The following ITGB5 variants were observed in gnomAD, a reference collection of about 807,000 sequenced individuals.
ITGB5 encodes the protein integrin subunit beta 5.
A neutral mutation model predicts 84.8 loss-of-function variants in ITGB5; 38 were observed. That is an observed-to-expected ratio of 0.45 (90% confidence interval 0.35 to 0.59). The LOEUF is 0.59. Among genes scored for constraint, ITGB5 ranks in the 20% least tolerant of loss-of-function variants. The pLI, the probability that ITGB5 is intolerant of heterozygous loss-of-function variation, is 0.01. For missense variants in ITGB5, 905 were observed against 1,034.5 expected (o/e 0.87, Z 1.72); for synonymous variants, 393 against 414.4 (o/e 0.95, Z 0.63).
At chr3:124,793,970 C>T (rs1009220475) in intron 10 of ITGB5, among the ~76,000 whole-genome samples, 6 of 152,246 alleles carry the variant, frequency 3.9e-5, no homozygotes, top group East Asian at 1.9e-4. Context: ...TGTTAACCCA[C>T]GTCTGTGCAA....
At chr3:124,823,863 G>A (rs994025819) in intron 5 of ITGB5, among the ~76,000 whole-genome samples, 1 of 152,040 alleles carries the variant, frequency 6.6e-6, no homozygotes, top group South Asian at 2.1e-4. Flanking sequence ...ACAGCCATGT[G>A]CTCAACACCC....
rs145282152 is a variant in ITGB5 at position 124,824,408 on chromosome 3, C to T, written c.781-2934G>A. Among the ~76,000 whole-genome samples the T allele has an allele frequency of 4.5e-3, 692 of 152,230 alleles. 9 individuals carry two copies. Among genetic ancestry groups the T allele is most frequent in the African/African-American group, 0.016 (646 of 41,552 alleles). On this transcript the variant is annotated intron_variant, in intron 5 of 14. Transcript: ENST00000296181. Reference sequence around the variant, plus strand: ...ACTCAAAGTGGATCATTGACCTAAACGTAGACCTAAAGCTATAAAACTTCT... The same window carrying T: ...ACTCAAAGTGGATCATTGACCTAAATGTAGACCTAAAGCTATAAAACTTCT...
Position 124,841,516 on chromosome 3 carries a change from C to G in ITGB5, c.647G>C (p.Gly216Ala). ...KLFPNCVPSF[G>A]FRHLLPLTDR... is the part of the protein sequence containing the mutation. ...TGTGAGAGGCAGCAGATGGCGGAAC[C>G]CAAAGGAGGGGACGCAATTTGGAAA... Residue 216 changes from glycine (G) to alanine (A), a missense_variant, in exon 5 of 15, where the codon GGG becomes GCG. Around this residue, in one of 3 missense-constraint regions of ITGB5, gnomAD observed 656 missense variants for 734.7 expected, o/e 0.89. Transcript: ENST00000296181. The G allele has an allele frequency of 6.2e-7, 1 of 1,613,986 alleles. No homozygotes were observed. Among genetic ancestry groups the G allele is most frequent in the Non-Finnish European group, 8.5e-7 (1 of 1,179,960 alleles).
intron 1 of ITGB5, among the ~76,000 whole-genome samples, chr3:124,900,296 G>A (rs1935191169): frequency 6.6e-6 from 1 of 152,132 alleles, no homozygotes; most frequent in African/African-American, 2.4e-5. Flanking sequence ...TATTGAACAG[G>A]CATGAAAACA....
chr3:124,869,144 C>T (rs1047847482), intron 2 of ITGB5, among the ~76,000 whole-genome samples: 1 of 152,154 alleles, frequency 6.6e-6, no homozygotes, highest in Admixed American at 6.5e-5. Context: ...TGGCCCTCAC[C>T]GGCTGTCTAC....
chr3:124,803,069 G>A (rs138007407), intron 9 of ITGB5, among the ~76,000 whole-genome samples: 58 of 152,296 alleles, frequency 3.8e-4, no homozygotes, highest in South Asian at 6.2e-4. Flanking sequence ...CTTTAGTGTC[G>A]CTTCGAATGC....
rs556472135 is a variant in ITGB5, at chr3:124,871,467, T to A, written c.156+1979A>T. Among the ~76,000 whole-genome samples, 105 of 152,288 alleles carry A rather than the reference T, an allele frequency of 6.9e-4. No homozygotes were observed. In the South Asian group the frequency reaches 0.021, roughly 31 times the overall value. ...TCTCAGCCTCCCAAAGTACTAGGAT[T>A]ACAGGCGTGAGCCACCGCGCCTGGC... is the stretch of plus-strand genomic sequence containing the variant. On this transcript the variant is annotated intron_variant, in intron 2 of 14. Transcript: ENST00000296181.
chr3:124,827,868 G>A (rs2107572772), intron 5 of ITGB5, among the ~76,000 whole-genome samples: 1 of 152,076 alleles, frequency 6.6e-6, no homozygotes, highest in Non-Finnish European at 1.5e-5. Context: ...GCTCATCCTG[G>A]CTCAAAAGCT....
intron 6 of ITGB5, 109 bp downstream of exon 6, chr3:124,821,204 G>A: frequency 8.0e-7 from 1 of 1,251,378 alleles, no homozygotes; most frequent in South Asian, 1.4e-5. Context: ...CAGAAAGCCA[G>A]TGAATACTGA....
At chr3:124,892,557 C>T (rs1935021451), upstream of ITGB5, among the ~76,000 whole-genome samples, 1 of 144,580 alleles carries the variant, frequency 6.9e-6, no homozygotes, top group Non-Finnish European at 1.5e-5. Context: ...AAAATTAGCA[C>T]TGTGCCAAGT....
chr3:124,832,083 C>A (rs1409389447), intron 5 of ITGB5, among the ~76,000 whole-genome samples: 1 of 152,222 alleles, frequency 6.6e-6, no homozygotes, highest in East Asian at 1.9e-4. Flanking sequence ...ATAACTGTTT[C>A]TGATAGAGAG....
At chr3:124,874,823 C>T (rs933655954) in intron 1 of ITGB5, among the ~76,000 whole-genome samples, 1 of 152,148 alleles carries the variant, frequency 6.6e-6, no homozygotes, top group Non-Finnish European at 1.5e-5. Flanking sequence ...TGAAACTGAA[C>T]TCTTATCTCA....
chr3:124,766,116 C>A, intron 13 of ITGB5, 110 bp downstream of exon 13: 1 of 1,133,032 alleles, frequency 8.8e-7, no homozygotes, highest in Non-Finnish European at 1.2e-6. Context: ...CCTGCAGTTT[C>A]AAAAGGCCGA....
At chr3:124,764,355 G>A (rs1380400730) in intron 14 of ITGB5, 36 bp downstream of exon 14, 1 of 1,584,058 alleles carries the variant, frequency 6.3e-7, no homozygotes, top group Admixed American at 1.7e-5. Flanking sequence ...CTCTGAGCTT[G>A]AAGTCTCCTC....
At chr3:124,818,639 C>G (rs1380412996) in intron 7 of ITGB5, among the ~76,000 whole-genome samples, 1 of 151,150 alleles carries the variant, frequency 6.6e-6, no homozygotes, top group Non-Finnish European at 1.5e-5. Flanking sequence ...TCAGCCTCCC[C>G]GGTAGCTGGG....
chr3:124,821,228 G>C, intron 6 of ITGB5, 85 bp downstream of exon 6: 1 of 1,447,688 alleles, frequency 6.9e-7, no homozygotes, highest in Non-Finnish European at 9.4e-7. Flanking sequence ...CCAGAGGAAG[G>C]TTTCAAGGCT....
intron 2 of ITGB5, among the ~76,000 whole-genome samples, chr3:124,859,830 C>T (rs773408476): frequency 3.9e-5 from 6 of 152,114 alleles, no homozygotes; most frequent in Non-Finnish European, 7.4e-5. Flanking sequence ...TGCCTGTAAT[C>T]CCAGCTATTT....
chr3:124,861,282 C>T (rs2065293528), intron 2 of ITGB5, among the ~76,000 whole-genome samples: 1 of 151,846 alleles, frequency 6.6e-6, no homozygotes, highest in Non-Finnish European at 1.5e-5. Context: ...GTATAAGTGG[C>T]TCCATAAACA....
intron 5 of ITGB5, among the ~76,000 whole-genome samples, chr3:124,835,960 A>G (rs1350511513): frequency 1.3e-5 from 2 of 152,120 alleles, no homozygotes; most frequent in African/African-American, 4.8e-5. Flanking sequence ...AAGCAAAATC[A>G]AAGGCCTTGA....
Sources: gnomAD v4.1 joint callset for allele counts (sites outside exome capture counted in the v4.1 genomes callset) on GRCh38, gnomAD v4.1.1 for gene constraint, gnomAD v4.1.1 regional missense constraint, MANE v1.5 for transcripts, NCBI Gene and HGNC (gene_info 2026-07-23, HGNC 2026-07-21) for gene names.